The following JAK1 variants were observed in gnomAD, a reference collection of about 807,000 sequenced individuals.
The protein encoded by JAK1 is Janus kinase 1.
In JAK1, 16 loss-of-function variants were observed where a neutral mutation model predicts 136.6. The ratio of observed to expected loss-of-function variants is 0.12; its 90% confidence interval spans 0.08 to 0.18. The LOEUF (loss-of-function observed/expected upper bound fraction) is 0.18. JAK1 is among the 10% of genes least tolerant of loss of function. The pLI is 1.00. For synonymous variants in JAK1, 492 were observed against 519.5 expected, an observed-to-expected ratio of 0.95 and a Z score of 0.72; for missense variants, 859 against 1,450.1, an observed-to-expected ratio of 0.59 and a Z score of 6.62.
intron 17 of JAK1, among the ~76,000 whole-genome samples, chr1:64,843,501 G>A (rs1004669289): frequency 6.6e-5 from 10 of 152,156 alleles, no homozygotes; most frequent in African/African-American, 2.4e-4. Context: ...TACCTGATCT[G>A]TCAAATGAGG....
At chr1:64,905,861 C>CA (rs1645182191) in intron 1 of JAK1, among the ~76,000 whole-genome samples, 9 of 152,180 alleles carry the variant, frequency 5.9e-5, no homozygotes, top group Admixed American at 5.9e-4. Context: ...TTCTCATTCT[C>CA]AGAGGCCAGA....
At chr1:64,838,920 C>T (rs369453395) in intron 20 of JAK1, among the ~76,000 whole-genome samples, 22 of 151,804 alleles carry the variant, frequency 1.4e-4, no homozygotes, top group Non-Finnish European at 2.2e-4. Flanking sequence ...CCGAGGCGGG[C>T]GGATCACGAG....
chr1:64,948,681 CA>C (rs922239112), intron 1 of JAK1, among the ~76,000 whole-genome samples: 9 of 152,178 alleles, frequency 5.9e-5, no homozygotes, highest in African/African-American at 2.2e-4. Context: ...TTAATCATAA[CA>C]GGGGAAAAAA....
rs1655107790 is a variant in JAK1, at chr1:64,844,595, G to C, written c.2251+159C>G. ...TTCAAGGACTTAAGAGAAGGCAGGA[G>C]ATCAAGACCATCCTGGCCAACATGG... On this transcript the variant is annotated intron_variant, in intron 16 of 24. Transcript: ENST00000342505. This position sits in a 1 kb window ranked among gnomAD's most constrained non-coding sequence, Gnocchi z 5.7. 8.9e-6 allele frequency among the ~76,000 whole-genome samples: 1 copy of C among 111,858 alleles called. No homozygotes were observed. Among genetic ancestry groups the C allele is most frequent in the Non-Finnish European group, 1.8e-5 (1 of 54,508 alleles). The allele number at this position is 111,858 out of a possible 152,430, so 73.4% of individuals were successfully genotyped here.
At chr1:64,933,172 T>C (rs1645728875) in intron 1 of JAK1, among the ~76,000 whole-genome samples, 1 of 152,214 alleles carries the variant, frequency 6.6e-6, no homozygotes. Flanking sequence ...TATCCCCATT[T>C]ACAGATGAGC....
In JAK1 at chr1:64,963,630, T is replaced by C. The variant is rs372831404; in HGVS notation, c.-78+2703A>G. ...CTCTTCATATTAGTTATGATTTGCA[T>C]AGCACGTCACAGTTTCCATGCATTA... On this transcript the variant is annotated intron_variant, in intron 1 of 24. Transcript: ENST00000342505. Among the ~76,000 whole-genome samples, 116 of 152,318 alleles carry C rather than the reference T, an allele frequency of 7.6e-4. 1 individual carries two copies. In the South Asian group the frequency reaches 0.019, roughly 25 times the overall value.
intron 24 of JAK1, 79 bp from the exon 25 acceptor site, chr1:64,834,736 G>A: frequency 1.1e-6 from 1 of 940,724 alleles, no homozygotes; most frequent in East Asian, 2.5e-5. Context: ...TCAAGAGTAA[G>A]AAAATAATTT....
intron 2 of JAK1, among the ~76,000 whole-genome samples, chr1:64,986,885 A>C (rs1048724703): frequency 6.6e-6 from 1 of 151,636 alleles, no homozygotes; most frequent in Non-Finnish European, 1.5e-5. Context: ...GCCACCCCCC[A>C]CCCAAAAAAA....
intron 1 of JAK1, among the ~76,000 whole-genome samples, chr1:64,892,214 G>C (rs1441920304): frequency 6.6e-6 from 1 of 152,114 alleles, no homozygotes; most frequent in Non-Finnish European, 1.5e-5. Context: ...CAAAGACTTG[G>C]TGGCACAAAT....
At chr1:64,861,244 G>T (rs1197206389) in intron 8 of JAK1, among the ~76,000 whole-genome samples, 1 of 152,150 alleles carries the variant, frequency 6.6e-6, no homozygotes, top group African/African-American at 2.4e-5. Flanking sequence ...GAAACTCCCG[G>T]ATTTTAATCT....
At chr1:64,903,057 G>C (rs1363326862) in intron 1 of JAK1, among the ~76,000 whole-genome samples, 1 of 152,070 alleles carries the variant, frequency 6.6e-6, no homozygotes, top group East Asian at 1.9e-4. Context: ...ACAGAGTTTT[G>C]CTCTTGTCAC....
intron 3 of JAK1, among the ~76,000 whole-genome samples, 167 bp downstream of exon 3, chr1:64,883,110 C>T (rs774480613): frequency 1.1e-4 from 16 of 152,210 alleles, no homozygotes; most frequent in Admixed American, 1.0e-3. Context: ...ATTAGAATCA[C>T]TGGCCTAAGG....
rs758043101 is a variant in JAK1 at position 64,879,056 on chromosome 1, T to C, written c.298A>G (p.Lys100Glu). ...APNRTITVDD[K>E]MSLRLHYRMR... Reference sequence around the variant, plus strand: ...CGGTAGTGGAGCCGGAGGGACATCTTGTCATCAACGGTGATGGTGCGATTT... The same window carrying C: ...CGGTAGTGGAGCCGGAGGGACATCTCGTCATCAACGGTGATGGTGCGATTT... The change falls in exon 4 of 25, where the codon AAG (lysine) becomes GAG (glutamate). Residue 100 changes from lysine (K) to glutamate (E), a missense_variant. Physicochemically the swap from Lys to Glu is moderately conservative, Grantham distance 56. Coordinates refer to ENST00000342505, the MANE Select transcript of JAK1 (RefSeq NM_002227.4). 6.2e-7 allele frequency: 1 copy of C among 1,614,046 alleles called. No individual in the cohort carries two copies. The highest frequency in any genetic ancestry group is 1.7e-5 in the Admixed American group (1 of 60,022).
At chr1:64,870,603 A>G (rs1657016842) in intron 5 of JAK1, among the ~76,000 whole-genome samples, 1 of 152,104 alleles carries the variant, frequency 6.6e-6, no homozygotes, top group South Asian at 2.1e-4. Flanking sequence ...TTTTCATCAA[A>G]TGACTTAAAG....
Position 64,838,098 on chromosome 1 carries a change from C to G in JAK1, c.2974G>C (p.Asp992His). 6.2e-7 allele frequency: 1 copy of G among 1,613,294 alleles called. No individual in the cohort carries two copies. Among genetic ancestry groups the G allele is most frequent in the South Asian group, 1.1e-5 (1 of 90,996 alleles). The change falls in exon 22 of 25, where the codon GAC (aspartate) becomes CAC (histidine). Residue 992 changes from aspartate to histidine, a missense_variant. By Grantham distance (81) the Asp-to-His change is moderately conservative. Transcript: ENST00000342505. ...ACGTATTGCCGAGAACCCAAATAGT[C>G]CATCCCCTGAGAGAGAGAAGTAAAA... ...KYAVQICKGMDYLGSRQYVHR... is the reference protein window; with the variant it reads ...KYAVQICKGMHYLGSRQYVHR...
chr1:64,937,504 T>C (rs1206542567), intron 1 of JAK1, among the ~76,000 whole-genome samples: 1 of 152,182 alleles, frequency 6.6e-6, no homozygotes, highest in Non-Finnish European at 1.5e-5. Flanking sequence ...AAAGCCTTTC[T>C]AGAAAGAAAG....
chr1:64,954,363 C>G (rs942527661), intron 1 of JAK1, among the ~76,000 whole-genome samples: 1 of 152,142 alleles, frequency 6.6e-6, no homozygotes, highest in Non-Finnish European at 1.5e-5. Context: ...ACAGTAAAAG[C>G]TAATAAATAG....
chr1:64,907,550 G>A (rs1421446103), intron 1 of JAK1, among the ~76,000 whole-genome samples: 1 of 152,152 alleles, frequency 6.6e-6, no homozygotes, highest in Non-Finnish European at 1.5e-5. Flanking sequence ...GGTGAAGGGT[G>A]GGAGGAGGGA....
chr1:64,864,159 C>T (rs527899104), intron 8 of JAK1, among the ~76,000 whole-genome samples: 10 of 152,332 alleles, frequency 6.6e-5, no homozygotes, highest in Admixed American at 5.9e-4. Context: ...GCTCCACTCA[C>T]CTTAAGAGTG....
Sources: allele counts gnomAD v4.1 joint callset (sites outside exome capture counted in the v4.1 genomes callset), GRCh38; gene constraint gnomAD v4.1.1; non-coding constraint Gnocchi (gnomAD v3.1); transcripts MANE v1.5; gene names NCBI Gene and HGNC (gene_info 2026-07-23, HGNC 2026-07-21).